The following GTF2B variants were observed in gnomAD, a reference collection of about 807,000 sequenced individuals.
The protein encoded by GTF2B is general transcription factor IIB.
Under a neutral mutation model 34.6 loss-of-function variants are expected in GTF2B, and 20 were observed. That is an observed-to-expected ratio of 0.58 (90% CI 0.41 to 0.84). The LOEUF (loss-of-function observed/expected upper bound fraction) is 0.84, where lower values mean the gene tolerates loss of function less well. Ranked by LOEUF, GTF2B falls within the 40% of genes least tolerant of loss-of-function variation. GTF2B has a pLI of 0.00. For missense variants in GTF2B, 237 were observed against 393.3 expected (o/e 0.60, Z 3.36); for synonymous variants, 142 against 132.4 (o/e 1.07, Z -0.50).
chr1:88,878,923 T>A (rs1317466211), intron 2 of GTF2B, among the ~76,000 whole-genome samples: 1 of 152,106 alleles, frequency 6.6e-6, no homozygotes, highest in Non-Finnish European at 1.5e-5. Flanking sequence ...AGTGAAGAAG[T>A]TATCATAGAA....
intron 2 of GTF2B, among the ~76,000 whole-genome samples, chr1:88,872,547 G>A (rs1040666649): frequency 6.7e-6 from 1 of 150,228 alleles, no homozygotes; most frequent in African/African-American, 2.4e-5. Context: ...ATATTAAAAG[G>A]ATGCAATCCC....
At chr1:88,891,445 C>T in intron 1 of GTF2B, 38 bp downstream of exon 1, 5 of 1,574,934 alleles carry the variant, frequency 3.2e-6, no homozygotes, top group Non-Finnish European at 4.3e-6. Context: ...CGCTCGCGCC[C>T]GCCCCTCAGC....
At chr1:88,860,934 C>T (rs887631464) in intron 3 of GTF2B, among the ~76,000 whole-genome samples, 1 of 151,966 alleles carries the variant, frequency 6.6e-6, no homozygotes, top group Non-Finnish European at 1.5e-5. Flanking sequence ...AAAAACTAGC[C>T]AATAGTATTA....
chr1:88,859,209 C>T (rs1673383874), intron 5 of GTF2B, among the ~76,000 whole-genome samples: 1 of 152,076 alleles, frequency 6.6e-6, no homozygotes, highest in South Asian at 2.1e-4. Flanking sequence ...TCTACAGAGA[C>T]CAGTGCTAGA....
intron 5 of GTF2B, among the ~76,000 whole-genome samples, chr1:88,857,835 C>A (rs1322466758): frequency 6.6e-6 from 1 of 151,922 alleles, no homozygotes; most frequent in Non-Finnish European, 1.5e-5. Context: ...GCGTGCACCA[C>A]CACACCTGGC....
At chr1:88,891,142 G>GGGGGGGGGGGGA (rs1674192635) in intron 1 of GTF2B, among the ~76,000 whole-genome samples, 1 of 118,358 alleles carries the variant, frequency 8.4e-6, no homozygotes, top group Non-Finnish European at 1.8e-5. Flanking sequence ...CGCGGGGGAG[G>GGGGGGGGGGGGA]AGAGGAGGGA....
chr1:88,853,723 G>A (rs1673240797), intron 6 of GTF2B, among the ~76,000 whole-genome samples: 1 of 152,206 alleles, frequency 6.6e-6, no homozygotes, highest in Admixed American at 6.5e-5. Context: ...AGAATCGCTT[G>A]AACCCAGGAG....
intron 2 of GTF2B, among the ~76,000 whole-genome samples, chr1:88,885,401 C>T (rs1313065500): frequency 3.3e-5 from 5 of 151,190 alleles, no homozygotes; most frequent in South Asian, 2.1e-4. Context: ...GATCGCACCA[C>T]GGCACTCCAG....
At position 88,857,482 on chromosome 1, in the gene GTF2B, A is replaced by G. The variant is rs530707339; in HGVS notation, c.541T>C (p.Cys181Arg). ...TTCTTAGAAATTCGTGATACGGCAC[A>G]TATTTCTAAAAGAAAAAAAATTAAA... ...EGVPRTFKEICAVSRISKKEI... is the reference protein window; with the variant it reads ...EGVPRTFKEIRAVSRISKKEI... The change falls in exon 6 of 7, where the codon TGT (cysteine) becomes CGT (arginine). Residue 181 changes from cysteine (C) to arginine (R), a missense_variant. Transcript: ENST00000370500. 2.6e-6 allele frequency: 4 copies of G among 1,545,938 alleles called. No homozygotes were observed. The highest frequency in any genetic ancestry group is 3.6e-6 in the Non-Finnish European group (4 of 1,123,570).
Position 88,853,210 on chromosome 1 carries a change from A to G in GTF2B, c.*3T>C. ...TCAAGAATTTGACGTTAGCTGCCTC[A>G]ATTTATAGCTGTGGTAGTTTGTCCA... On this transcript the variant is annotated 3_prime_UTR_variant, in exon 7 of 7. Transcript: ENST00000370500. 1 of 1,613,790 alleles carries G rather than the reference A, an allele frequency of 6.2e-7. No homozygotes were observed. The highest frequency in any genetic ancestry group is 8.5e-7 in the Non-Finnish European group (1 of 1,179,696).
chr1:88,873,390 G>A (rs1201549014), intron 2 of GTF2B, among the ~76,000 whole-genome samples: 2 of 151,620 alleles, frequency 1.3e-5, no homozygotes, highest in South Asian at 2.1e-4. Flanking sequence ...TAGTAGAGAC[G>A]AGGTTTCAAC....
intron 2 of GTF2B, among the ~76,000 whole-genome samples, chr1:88,869,057 A>C (rs1673627860): frequency 1.3e-5 from 2 of 152,134 alleles, no homozygotes; most frequent in South Asian, 4.1e-4. Context: ...TGTATTCTGC[A>C]TCCGCGGATT....
chr1:88,877,032 C>T (rs980942523), intron 2 of GTF2B, among the ~76,000 whole-genome samples: 3 of 152,068 alleles, frequency 2.0e-5, no homozygotes, highest in Admixed American at 6.5e-5. Context: ...ACAGAAAATC[C>T]AAAAGAATGT....
chr1:88,885,445 C>T (rs542669112), intron 2 of GTF2B, among the ~76,000 whole-genome samples: 110 of 139,644 alleles, frequency 7.9e-4, no homozygotes, highest in Non-Finnish European at 1.5e-3. Context: ...GAGCGAAACT[C>T]TGTATCAAAA....
chr1:88,886,144 C>T (rs1003756210), intron 2 of GTF2B, among the ~76,000 whole-genome samples: 3 of 152,140 alleles, frequency 2.0e-5, no homozygotes, highest in Admixed American at 6.5e-5. Flanking sequence ...CAGCAGAATA[C>T]GGTTGCAAAT....
At position 88,863,963 on chromosome 1, in the gene GTF2B, G is replaced by A; in HGVS notation, c.258+18C>T. 1 of 1,611,406 alleles carries A rather than the reference G, an allele frequency of 6.2e-7. No homozygotes were observed. The highest frequency in any genetic ancestry group is 2.2e-5 in the East Asian group (1 of 44,822). ...GGTCACTCTGCAATTGGTATTTCCT[G>A]CCAAATGGACTTATTACCTTGCCAA... On this transcript the variant is annotated intron_variant, in intron 3 of 6. Coordinates refer to ENST00000370500, the MANE Select transcript of GTF2B (RefSeq NM_001514.6).
At chr1:88,878,043 T>C (rs549498599) in intron 2 of GTF2B, among the ~76,000 whole-genome samples, 1 of 152,228 alleles carries the variant, frequency 6.6e-6, no homozygotes, top group East Asian at 1.9e-4. Context: ...CCAAGGCGGG[T>C]AGACTGCTTA....
In GTF2B at chr1:88,853,281, G is replaced by C; in HGVS notation, c.883C>G (p.Arg295Gly). The change falls in exon 7 of 7, where the codon CGA (arginine) becomes GGA (glycine). Residue 295 changes from arginine (R) to glycine (G), a missense_variant. By Grantham distance (125) the Arg-to-Gly change is moderately radical. Around this residue, in one of 3 missense-constraint regions of GTF2B, gnomAD observed 78 missense variants for 116.6 expected, o/e 0.67. Transcript: ENST00000370500. Reference protein sequence around the residue: ...IRQSYRLIYPRAPDLFPTDFK... With the variant: ...IRQSYRLIYPGAPDLFPTDFK... ...TCTGTAGGAAACAGATCTGGGGCTC[G>C]AGGATAGATCAGTCTATAGGACTGT... is the stretch of plus-strand genomic sequence containing the variant. 2 of 1,610,080 alleles carry C rather than the reference G, an allele frequency of 1.2e-6. No individual in the cohort carries two copies. Among genetic ancestry groups the C allele is most frequent in the Non-Finnish European group, 1.7e-6 (2 of 1,176,346 alleles).
In GTF2B at chr1:88,873,632, C is replaced by T. The variant is rs564140974; in HGVS notation, c.125-9518G>A. ...ACTTAACAGTCCTAGGCTAGTATGACCCAAGCTCCTTCTATCTTTTTGATA... is the reference window on the plus strand; with the variant it reads ...ACTTAACAGTCCTAGGCTAGTATGATCCAAGCTCCTTCTATCTTTTTGATA... On this transcript the variant is annotated intron_variant, in intron 2 of 6. Transcript: ENST00000370500. 1.3e-3 allele frequency among the ~76,000 whole-genome samples: 191 copies of T among 152,244 alleles called. 1 individual carries two copies. Among genetic ancestry groups the T allele is most frequent in the Non-Finnish European group, 2.2e-3 (151 of 68,012 alleles).
Sources: allele counts gnomAD v4.1 joint callset (sites outside exome capture counted in the v4.1 genomes callset), GRCh38; gene constraint gnomAD v4.1.1; regional missense constraint gnomAD v4.1.1; transcripts MANE v1.5; gene names NCBI Gene and HGNC (gene_info 2026-07-23, HGNC 2026-07-21).